The following FRMD4B variants were observed in gnomAD, a reference collection of about 807,000 sequenced individuals.
FRMD4B encodes FERM domain-containing protein 4B.
In FRMD4B, 74 loss-of-function variants were observed where a neutral mutation model predicts 141.5. That is an observed-to-expected ratio of 0.52 (90% CI 0.43 to 0.63). FRMD4B has a LOEUF of 0.63. Among genes scored for constraint, FRMD4B ranks in the 30% least tolerant of loss-of-function variants. The probability of loss-of-function intolerance (pLI) is 0.00; values close to 1 mark genes in which losing one functional copy is unlikely to be tolerated. For synonymous variants in FRMD4B, 506 were observed against 467.9 expected (o/e 1.08, Z -1.05); for missense variants, 1,366 against 1,253.4 (o/e 1.09, Z -1.36).
chr3:69,294,973 T>G (rs1372684896), intron 4 of FRMD4B, among the ~76,000 whole-genome samples: 1 of 152,184 alleles, frequency 6.6e-6, no homozygotes, highest in African/African-American at 2.4e-5. Context: ...ATCCCAAATC[T>G]TTCATATTCA....
intron 2 of FRMD4B, among the ~76,000 whole-genome samples, chr3:69,408,019 A>G (rs573400062): frequency 8.5e-5 from 13 of 152,142 alleles, no homozygotes; most frequent in East Asian, 1.9e-4. Flanking sequence ...TACAGTCTCA[A>G]TTGTAGCTAC....
intron 1 of FRMD4B, among the ~76,000 whole-genome samples, chr3:69,454,006 C>T (rs149551520): frequency 1.3e-5 from 2 of 152,278 alleles, no homozygotes; most frequent in Middle Eastern, 3.4e-3. Flanking sequence ...GTGGGCTGCA[C>T]CCATGTTTGC....
chr3:69,476,778 T>G (rs1047697108), intron 1 of FRMD4B, among the ~76,000 whole-genome samples: 3 of 152,218 alleles, frequency 2.0e-5, no homozygotes, highest in African/African-American at 4.8e-5. Flanking sequence ...GCTTTGAATC[T>G]ATAAATTACC....
chr3:69,321,245 C>T (rs12152436), intron 1 of FRMD4B, among the ~76,000 whole-genome samples: 37,737 of 152,088 alleles, frequency 0.25, 5,626 homozygotes, highest in Middle Eastern at 0.4. Flanking sequence ...TACAAGGCAA[C>T]AGGAAATAGC....
intron 11 of FRMD4B, among the ~76,000 whole-genome samples, chr3:69,204,491 C>T (rs531288394): frequency 5.9e-5 from 9 of 152,148 alleles, no homozygotes; most frequent in Non-Finnish European, 1.0e-4. Flanking sequence ...GTGACTCACA[C>T]GGTGGGGGAT....
intron 1 of FRMD4B, among the ~76,000 whole-genome samples, chr3:69,449,322 C>T (rs191283126): frequency 8.9e-4 from 135 of 152,260 alleles, no homozygotes; most frequent in Non-Finnish European, 1.5e-3. Context: ...ATGATGACAA[C>T]GAAGATTGTG....
intron 1 of FRMD4B, among the ~76,000 whole-genome samples, chr3:69,444,374 A>G (rs947128295): frequency 4.6e-5 from 7 of 152,204 alleles, no homozygotes; most frequent in African/African-American, 1.7e-4. Flanking sequence ...AATTGAACTG[A>G]ATTGAATTGA....
chr3:69,178,524 T>C (rs1361278731), intron 21 of FRMD4B, among the ~76,000 whole-genome samples: 2 of 151,782 alleles, frequency 1.3e-5, no homozygotes, highest in African/African-American at 4.8e-5. Flanking sequence ...AAAATAAAAT[T>C]AGCCAGGCAT....
chr3:69,337,875 C>T (rs1290218462), intron 1 of FRMD4B, among the ~76,000 whole-genome samples: 1 of 152,188 alleles, frequency 6.6e-6, no homozygotes, highest in Non-Finnish European at 1.5e-5. Flanking sequence ...TAAACTAGTT[C>T]AACCATTGTG....
intron 17 of FRMD4B, among the ~76,000 whole-genome samples, chr3:69,192,463 T>C (rs1450461385): frequency 6.6e-6 from 1 of 152,148 alleles, no homozygotes; most frequent in East Asian, 1.9e-4. Context: ...AAAAATGTCT[T>C]AGAATCAAAG....
At chr3:69,460,958 G>A (rs1335533196) in intron 1 of FRMD4B, among the ~76,000 whole-genome samples, 1 of 152,128 alleles carries the variant, frequency 6.6e-6, no homozygotes, top group Non-Finnish European at 1.5e-5. Context: ...GCTATTCTTG[G>A]TCAACACTAT....
intron 1 of FRMD4B, among the ~76,000 whole-genome samples, chr3:69,341,023 A>G (rs1672644078): frequency 6.6e-6 from 1 of 152,244 alleles, no homozygotes; most frequent in African/African-American, 2.4e-5. Flanking sequence ...GGAGTTGCAT[A>G]TTCATTTTAT....
At chr3:69,494,348 G>C (rs528470908) in intron 1 of FRMD4B, among the ~76,000 whole-genome samples, 2 of 152,296 alleles carry the variant, frequency 1.3e-5, no homozygotes, top group East Asian at 1.9e-4. Context: ...AATTCAGTAA[G>C]ACAGAAAATA....
At chr3:69,394,433 G>A (rs1442684744) in intron 2 of FRMD4B, among the ~76,000 whole-genome samples, 1 of 152,202 alleles carries the variant, frequency 6.6e-6, no homozygotes, top group Non-Finnish European at 1.5e-5. Flanking sequence ...ATTACTCTAG[G>A]AACTTAACAT....
chr3:69,230,100 C>G (rs566116322), intron 7 of FRMD4B, among the ~76,000 whole-genome samples: 1 of 152,042 alleles, frequency 6.6e-6, no homozygotes, highest in African/African-American at 2.4e-5. Context: ...CTCAGCTTCC[C>G]GAGTAGCTGG....
intron 11 of FRMD4B, among the ~76,000 whole-genome samples, chr3:69,203,585 T>C (rs1423092063): frequency 6.6e-6 from 1 of 152,164 alleles, no homozygotes; most frequent in Admixed American, 6.5e-5. Flanking sequence ...ATTGCCTTGG[T>C]TAGCATTCTG....
chr3:69,187,888 G>C lies in FRMD4B; in HGVS notation c.1801C>G (p.Arg601Gly). ...GGAGAATGAGGTACTGAACTTGATC[G>C]CTGCCCAGGAAAAGTGAAGGCATCA... ...PSDAFTFPGQRSSSVPHSPRI... is the reference protein window; with the variant it reads ...PSDAFTFPGQGSSSVPHSPRI... Residue 601 changes from arginine (R) to glycine (G), a missense_variant, in exon 19 of 23, where the codon CGA (arginine) becomes GGA (glycine). Physicochemically the swap from Arg to Gly is moderately radical, Grantham distance 125. Transcript: ENST00000398540. The C allele has an allele frequency of 6.3e-7, 1 of 1,597,356 alleles. No homozygotes were observed. The highest frequency in any genetic ancestry group is 8.5e-7 in the Non-Finnish European group (1 of 1,170,322).
At chr3:69,413,402 C>A (rs1024251080) in intron 2 of FRMD4B, among the ~76,000 whole-genome samples, 1 of 152,164 alleles carries the variant, frequency 6.6e-6, no homozygotes, top group Non-Finnish European at 1.5e-5. Flanking sequence ...GATGTTAGAG[C>A]CAGATCTATA....
chr3:69,310,112 T>G (rs886647431), intron 3 of FRMD4B, among the ~76,000 whole-genome samples: 1 of 152,154 alleles, frequency 6.6e-6, no homozygotes, highest in African/African-American at 2.4e-5. Flanking sequence ...TGAGCCCTCT[T>G]TGGGAAACAT....
Sources: gnomAD v4.1 joint callset for allele counts (sites outside exome capture counted in the v4.1 genomes callset) on GRCh38, gnomAD v4.1.1 for gene constraint, MANE v1.5 for transcripts, NCBI Gene and HGNC (gene_info 2026-07-23, HGNC 2026-07-21) for gene names.